Variants in RNF6 observed in about 807,000 individuals in gnomAD.
RNF6 encodes E3 ubiquitin-protein ligase RNF6.
A neutral mutation model predicts 50.1 loss-of-function variants in RNF6; 21 were observed. The observed-to-expected ratio is 0.42, with a 90% CI of 0.30 to 0.60. The LOEUF is 0.60. RNF6 is among the 20% of genes least tolerant of loss of function. RNF6 has a pLI of 0.20. For missense variants in RNF6, 698 were observed against 838.2 expected, an observed-to-expected ratio of 0.83 and a Z score of 2.07; for synonymous variants, 255 against 291.8, an observed-to-expected ratio of 0.87 and a Z score of 1.29.
chr13:26,159,129 G>C (rs1194913980), intron 5 of RNF6, among the ~76,000 whole-genome samples: 1 of 152,026 alleles, frequency 6.6e-6, no homozygotes, highest in Non-Finnish European at 1.5e-5. Context: ...TTTCAAATGT[G>C]TAAATATGAA....
rs2137759515 is a variant in RNF6 at position 26,215,265 on chromosome 13, T to C, written c.617A>G (p.Asn206Ser). Residue 206 changes from asparagine to serine, a missense_variant, in exon 5 of 5, where the codon AAT (asparagine) becomes AGT (serine). Physicochemically the swap from Asn to Ser is conservative, Grantham distance 46. Coordinates refer to ENST00000381588, the MANE Select transcript of RNF6 (RefSeq NM_005977.4). ...RTRSQTSVNF[N>S]GSSSNIPRTR... ...CCTTGGAATGTTGGAACTACTACCA[T>C]TGAAATTCACTGAGGTTTGGCTTCT... 3.1e-6 allele frequency: 5 copies of C among 1,614,248 alleles called. No individual in the cohort carries two copies. Among genetic ancestry groups the C allele is most frequent in the Non-Finnish European group, 4.2e-6 (5 of 1,180,052 alleles).
intron 5 of RNF6, among the ~76,000 whole-genome samples, chr13:26,192,600 C>A (rs1868507116): frequency 6.6e-6 from 1 of 152,208 alleles, no homozygotes. Context: ...GTCATACTAG[C>A]AGACTCTATT....
chr13:26,184,018 A>ATATTTTTTTT (rs1335766541), intron 5 of RNF6, among the ~76,000 whole-genome samples: 3 of 33,940 alleles, frequency 8.8e-5, no homozygotes, highest in African/African-American at 2.8e-4. Context: ...ATATATATAT[A>ATATTTTTTTT]TTTTTTTTTT....
chr13:26,219,447 C>T lies in RNF6; in HGVS notation c.193+10G>A, dbSNP rs1268923962. The T allele has an allele frequency of 1.3e-6, 2 of 1,580,284 alleles. No homozygotes were observed. Among genetic ancestry groups the T allele is most frequent in the Admixed American group, 1.7e-5 (1 of 58,280 alleles). Reference sequence around the variant, plus strand: ...AAAAAAGGGTGTTTCCTCTTTTACCCATCTCTTACCAGGGGTGCCTAAAAG... The same window carrying T: ...AAAAAAGGGTGTTTCCTCTTTTACCTATCTCTTACCAGGGGTGCCTAAAAG... On this transcript the variant is annotated intron_variant, in intron 3 of 4. Coordinates refer to ENST00000381588, the MANE Select transcript of RNF6 (RefSeq NM_005977.4).
chr13:26,207,193 G>A (rs1869145920), intron 5 of RNF6, among the ~76,000 whole-genome samples: 1 of 151,418 alleles, frequency 6.6e-6, no homozygotes, highest in Non-Finnish European at 1.5e-5. Context: ...AGAGGCCAGA[G>A]GGGAAAGGCC....
At position 26,176,153 on chromosome 13, in the gene RNF6, G is replaced by A. The variant is rs1030476794; in HGVS notation, n.768+39321C>T. Among the ~76,000 whole-genome samples, 4 of 152,198 alleles carry A rather than the reference G, an allele frequency of 2.6e-5. No individual in the cohort carries two copies. The South Asian group carries it at 8.3e-4, about 32-fold the overall frequency. ...GAAGAGGAATGAAGGAGGACAGAGG[G>A]GTTGGCTGGTAAACTCTCTGAACTG... is the stretch of plus-strand genomic sequence containing the variant. On this transcript the variant is annotated intron_variant and non_coding_transcript_variant, in intron 5 of 5. Transcript: ENST00000468480.
intron 5 of RNF6, among the ~76,000 whole-genome samples, chr13:26,171,533 A>G (rs1872696156): frequency 6.6e-6 from 1 of 152,170 alleles, no homozygotes; most frequent in Non-Finnish European, 1.5e-5. Flanking sequence ...TTATCCATCA[A>G]TTTCACTTCT....
chr13:26,169,889 C>T (rs1215048077), intron 5 of RNF6, among the ~76,000 whole-genome samples: 1 of 152,192 alleles, frequency 6.6e-6, no homozygotes, highest in East Asian at 1.9e-4. Flanking sequence ...TTCAGTGAAG[C>T]TGAGTTCACA....
At chr13:26,185,952 T>C (rs1350751368) in intron 5 of RNF6, among the ~76,000 whole-genome samples, 1 of 152,070 alleles carries the variant, frequency 6.6e-6, no homozygotes, top group Non-Finnish European at 1.5e-5. Flanking sequence ...GTTCTGAAAA[T>C]ACAGTAAGAG....
At chr13:26,179,426 TGAGA>T (rs1873128282) in intron 5 of RNF6, among the ~76,000 whole-genome samples, 1 of 152,182 alleles carries the variant, frequency 6.6e-6, no homozygotes, top group African/African-American at 2.4e-5. Flanking sequence ...ACACTGTAGC[TGAGA>T]GACCCCAAAA....
chr13:26,145,300 TC>T (rs1467268931), intron 5 of RNF6, among the ~76,000 whole-genome samples: 1 of 152,200 alleles, frequency 6.6e-6, no homozygotes, highest in African/African-American at 2.4e-5. Flanking sequence ...GCTCAGGTGA[TC>T]GGAATGTGGT....
chr13:26,174,156 C>T (rs1432982763), intron 5 of RNF6, among the ~76,000 whole-genome samples: 1 of 151,984 alleles, frequency 6.6e-6, no homozygotes, highest in Non-Finnish European at 1.5e-5. Flanking sequence ...ATATGAACTT[C>T]CTATTTCAAT....
chr13:26,189,300 C>T (rs1300298108), intron 5 of RNF6, among the ~76,000 whole-genome samples: 1 of 150,676 alleles, frequency 6.6e-6, no homozygotes, highest in Non-Finnish European at 1.5e-5. Context: ...TGCACTGCAG[C>T]CTGGGCGACA....
At chr13:26,195,414 G>A (rs1400954238) in intron 5 of RNF6, among the ~76,000 whole-genome samples, 1 of 151,960 alleles carries the variant, frequency 6.6e-6, no homozygotes, top group Non-Finnish European at 1.5e-5. Flanking sequence ...TTATGAAGGT[G>A]TAACACACAT....
At chr13:26,156,714 A>C (rs1388336399) in intron 5 of RNF6, among the ~76,000 whole-genome samples, 1 of 152,236 alleles carries the variant, frequency 6.6e-6, no homozygotes, top group Non-Finnish European at 1.5e-5. Context: ...AAAAACAAAA[A>C]TAAAATAAAA....
At chr13:26,173,187 C>A (rs1872786068) in intron 5 of RNF6, among the ~76,000 whole-genome samples, 1 of 152,306 alleles carries the variant, frequency 6.6e-6, no homozygotes, top group African/African-American at 2.4e-5. Flanking sequence ...GCTGTGCATG[C>A]CCCACAGTTC....
intron 5 of RNF6, among the ~76,000 whole-genome samples, chr13:26,187,236 C>T (rs914676808): frequency 2.7e-5 from 4 of 147,152 alleles, no homozygotes; most frequent in African/African-American, 9.9e-5. Flanking sequence ...GGCGTCCTAG[C>T]CTTCGGACCG....
At chr13:26,220,774 G>A (rs574487165) in intron 2 of RNF6, among the ~76,000 whole-genome samples, 181 of 152,306 alleles carry the variant, frequency 1.2e-3, no homozygotes, top group African/African-American at 4.2e-3. Context: ...GAGGCTGGAG[G>A]CTCAAATGGC....
chr13:26,165,948 G>A (rs545864671), intron 5 of RNF6, among the ~76,000 whole-genome samples: 3 of 152,114 alleles, frequency 2.0e-5, no homozygotes, highest in African/African-American at 7.2e-5. Context: ...AGGCATGATT[G>A]GTTTTGAAAT....
Sources: gnomAD v4.1 joint callset for allele counts (sites outside exome capture counted in the v4.1 genomes callset) on GRCh38, gnomAD v4.1.1 for gene constraint, MANE v1.5 for transcripts, NCBI Gene and HGNC (gene_info 2026-07-23, HGNC 2026-07-21) for gene names.